The following CNPY1 variants were observed in gnomAD, a reference collection of about 807,000 sequenced individuals.
The protein encoded by CNPY1 is canopy FGF signaling regulator 1, also known as protein canopy homolog 1.
In CNPY1, 14 loss-of-function variants were observed where a neutral mutation model predicts 14.4. The observed-to-expected ratio is 0.97, with a 90% CI of 0.64 to 1.52. The LOEUF (loss-of-function observed/expected upper bound fraction) is 1.52, where lower values mean the gene tolerates loss of function less well. CNPY1 is among the 40% of genes most tolerant of loss of function. CNPY1 has a pLI of 0.00. For synonymous variants in CNPY1, 43 were observed against 46.5 expected (o/e 0.92, Z 0.31); for missense variants, 129 against 131.5 (o/e 0.98, Z 0.09).
intron 2 of CNPY1, among the ~76,000 whole-genome samples, chr7:155,517,233 A>G (rs887067889): frequency 6.6e-6 from 1 of 152,132 alleles, no homozygotes; most frequent in Non-Finnish European, 1.5e-5. Context: ...GTGTCCTTGT[A>G]GGAAGAGGAC....
intron 2 of CNPY1, among the ~76,000 whole-genome samples, chr7:155,513,129 T>C (rs1796559196): frequency 6.6e-6 from 1 of 152,252 alleles, no homozygotes; most frequent in African/African-American, 2.4e-5. Context: ...GAGTTTGTTG[T>C]ATGACACTTC....
intron 3 of CNPY1, 36 bp from the exon 4 acceptor site, chr7:155,507,152 G>A (rs367713933): frequency 1.7e-5 from 22 of 1,306,706 alleles, no homozygotes; most frequent in African/African-American, 4.3e-5. Context: ...GTGGATAGAC[G>A]CACACTGGCG....
At chr7:155,538,264 C>T (rs969168237) in intron 2 of CNPY1, among the ~76,000 whole-genome samples, 2 of 152,222 alleles carry the variant, frequency 1.3e-5, no homozygotes, top group African/African-American at 4.8e-5. Context: ...CTCCTGGTTG[C>T]TAAGTGTGGC....
intron 2 of CNPY1, among the ~76,000 whole-genome samples, chr7:155,542,127 A>C (rs1797091584): frequency 6.6e-6 from 1 of 151,258 alleles, no homozygotes. Context: ...AGTATTCACA[A>C]CCCCTGCTGT....
chr7:155,505,018 A>G (rs992929458), intron 4 of CNPY1, among the ~76,000 whole-genome samples: 1 of 152,110 alleles, frequency 6.6e-6, no homozygotes, highest in African/African-American at 2.4e-5. Context: ...GTGTTGCTTG[A>G]GCTTTTTCTA....
chr7:155,505,355 G>T (rs1175767040), intron 4 of CNPY1, among the ~76,000 whole-genome samples: 1 of 152,116 alleles, frequency 6.6e-6, no homozygotes, highest in African/African-American at 2.4e-5. Flanking sequence ...TGCCAATTAA[G>T]AATTATCTCA....
In CNPY1 at chr7:155,534,062, C is replaced by A. The variant is rs547223905; in HGVS notation, c.99+11769G>T. On this transcript the variant is annotated intron_variant, in intron 2 of 4. Coordinates refer to ENST00000636446, the MANE Select transcript of CNPY1 (RefSeq NM_001393663.1). ...GCTGGCCCCGCCGGGAAGAGCACTG[C>A]GTCCCCCTAGGACACTGACATGCCT... Among the ~76,000 whole-genome samples, 181 of 152,276 alleles carry A rather than the reference C, an allele frequency of 1.2e-3. 2 individuals are homozygous for A. Among genetic ancestry groups the A allele is most frequent in the African/African-American group, 4.2e-3 (174 of 41,562 alleles).
At chr7:155,521,054 A>G (rs201018021) in intron 2 of CNPY1, among the ~76,000 whole-genome samples, 38 of 148,566 alleles carry the variant, frequency 2.6e-4, no homozygotes, top group East Asian at 2.0e-3. Context: ...AAAAAAAGAA[A>G]GAAGGAAGGA....
At position 155,503,114 on chromosome 7, in the gene CNPY1, A is replaced by T; in HGVS notation, c.401-9T>A. ...AGAAGTTTCACACAGATCTGGAAAA[A>T]AAAAAAAAAGTAGATAGCATCATTA... is the stretch of plus-strand genomic sequence containing the variant. On this transcript the variant is annotated splice_polypyrimidine_tract_variant and intron_variant, in intron 4 of 4. Transcript: ENST00000636446. 1.3e-6 allele frequency: 2 copies of T among 1,598,874 alleles called. No homozygotes were observed. The highest frequency in any genetic ancestry group is 1.7e-6 in the Non-Finnish European group (2 of 1,176,156).
Position 155,514,723 on chromosome 7 carries a change from G to A in CNPY1, c.100-5626C>T, listed in dbSNP as rs140923880. The stretch of plus-strand genomic sequence containing the variant: ...CAGCCTGACCAACATGGAGAGACCC[G>A]GTCTCTACTAAAAATACAAAATTAG... On this transcript the variant is annotated intron_variant, in intron 2 of 4. Coordinates refer to ENST00000636446, the MANE Select transcript of CNPY1 (RefSeq NM_001393663.1). Among the ~76,000 whole-genome samples the A allele has an allele frequency of 9.9e-3, 1,506 of 151,912 alleles. 22 individuals are homozygous for A. The highest frequency in any genetic ancestry group is 0.034 in the African/African-American group (1,403 of 41,416).
chr7:155,545,133 C>T (rs1797143304), intron 2 of CNPY1, among the ~76,000 whole-genome samples: 1 of 152,222 alleles, frequency 6.6e-6, no homozygotes, highest in Admixed American at 6.5e-5. Context: ...AATCCAGACC[C>T]ACTTCTGTTT....
intron 2 of CNPY1, among the ~76,000 whole-genome samples, chr7:155,527,814 C>G (rs1251970137): frequency 1.3e-5 from 2 of 152,170 alleles, no homozygotes; most frequent in East Asian, 1.9e-4. Flanking sequence ...TGTGAGTATT[C>G]AGCCTACCTG....
At chr7:155,541,366 C>A (rs569741885) in intron 2 of CNPY1, among the ~76,000 whole-genome samples, 1 of 152,202 alleles carries the variant, frequency 6.6e-6, no homozygotes, top group Admixed American at 6.5e-5. Flanking sequence ...AGTCAGTCCC[C>A]GGGAGCTGAG....
intron 2 of CNPY1, among the ~76,000 whole-genome samples, chr7:155,517,483 C>G (rs1796643240): frequency 6.6e-6 from 1 of 152,210 alleles, no homozygotes; most frequent in African/African-American, 2.4e-5. Flanking sequence ...GCCTCAAGTT[C>G]TGCTAGGTGC....
At chr7:155,530,643 T>G (rs933429621) in intron 2 of CNPY1, among the ~76,000 whole-genome samples, 2 of 152,188 alleles carry the variant, frequency 1.3e-5, no homozygotes, top group African/African-American at 4.8e-5. Flanking sequence ...CAGCCTCAGA[T>G]CATTCTTTAT....
Position 155,545,866 on chromosome 7 carries a change from G to A in CNPY1, c.64C>T (p.Arg22Ter), listed in dbSNP as rs564984923. The A allele has an allele frequency of 2.8e-5, 11 of 398,604 alleles. No homozygotes were observed. Among genetic ancestry groups the A allele is most frequent in the South Asian group, 2.5e-4 (2 of 7,844 alleles). 24.7% of individuals were successfully genotyped at this position (398,604 alleles called of 1,614,324 possible). Residue 22 changes from arginine to a stop codon, truncating the protein, a stop_gained, in exon 2 of 5, where the codon CGA becomes TGA. Coordinates refer to ENST00000636446, the MANE Select transcript of CNPY1 (RefSeq NM_001393663.1). LOFTEE classifies it high-confidence loss of function. Reference protein sequence around the residue: ...RQKKTKVGSFRINPDGTQERR... With the variant: ...RQKKTKVGSF ...TCCTGAGTCCCATCGGGATTGATTC[G>A]GAAGGATCCCACCTTGGTCTTCTTC...
intron 2 of CNPY1, among the ~76,000 whole-genome samples, chr7:155,515,534 A>T (rs889560250): frequency 5.3e-5 from 8 of 152,104 alleles, no homozygotes; most frequent in African/African-American, 1.7e-4. Context: ...TGCATCCCAG[A>T]TGCCCGACAT....
At chr7:155,535,544 T>C (rs1457733551) in intron 2 of CNPY1, among the ~76,000 whole-genome samples, 1 of 152,100 alleles carries the variant, frequency 6.6e-6, no homozygotes, top group Non-Finnish European at 1.5e-5. Context: ...CCAAAGGACA[T>C]GAAGGAAGCC....
chr7:155,525,530 T>C (rs1038095963), intron 2 of CNPY1, among the ~76,000 whole-genome samples: 1 of 151,878 alleles, frequency 6.6e-6, no homozygotes, highest in Non-Finnish European at 1.5e-5. Context: ...GAATATTTGG[T>C]TGATCAGAAC....
Sources: allele counts gnomAD v4.1 joint callset (sites outside exome capture counted in the v4.1 genomes callset), GRCh38; gene constraint gnomAD v4.1.1; transcripts MANE v1.5; gene names NCBI Gene and HGNC (gene_info 2026-07-23, HGNC 2026-07-21).